C4orf50: variants seen among roughly 807,000 people sequenced by gnomAD.
C4orf50 encodes the protein chromosome 4 open reading frame 50.
Under a neutral mutation model 77.2 loss-of-function variants are expected in C4orf50, and 80 were observed. The observed-to-expected ratio is 1.04, with a 90% CI of 0.87 to 1.25. The LOEUF is 1.25. Among genes scored for constraint, C4orf50 ranks in the 50% most tolerant of loss-of-function variants. C4orf50 has a pLI of 0.00. For synonymous variants in C4orf50, 532 were observed against 465.3 expected (o/e 1.14, Z -1.84); for missense variants, 1,257 against 1,152.9 (o/e 1.09, Z -1.31).
rs1174794673 is a variant in C4orf50 at position 6,011,687 on chromosome 4, A to G, written c.426+143T>C. The G allele has an allele frequency of 7.6e-6, 3 of 396,816 alleles. No individual in the cohort carries two copies. The highest frequency in any genetic ancestry group is 1.3e-5 in the Non-Finnish European group (3 of 225,644). 24.6% of individuals were successfully genotyped at this position (396,816 alleles called of 1,614,324 possible). ...AGGCCCCGCAGTCACGCCATGCACC[A>G]TGAACGTAGGATCTCTCTAACCCTC... On this transcript the variant is annotated intron_variant, in intron 24 of 33. Coordinates refer to ENST00000531445, the Ensembl canonical transcript of C4orf50. The surrounding 1 kb of genome is among the most constrained non-coding windows in gnomAD (Gnocchi z 4.2).
chr4:5,960,312 A>C (rs1719203438), intron 33 of C4orf50, among the ~76,000 whole-genome samples: 1 of 152,090 alleles, frequency 6.6e-6, no homozygotes, highest in South Asian at 2.1e-4. Flanking sequence ...CTTCCCGCAA[A>C]TGACAGGCAG....
chr4:5,945,852 T>C (rs1051848352), intron 7 of C4orf50, among the ~76,000 whole-genome samples: 11 of 152,212 alleles, frequency 7.2e-5, no homozygotes, highest in Admixed American at 4.6e-4. Context: ...GCTGTTGTTC[T>C]GCCCTCTTGG....
chr4:5,912,589 A>G (rs373105594), intron 7 of C4orf50, among the ~76,000 whole-genome samples: 3 of 152,196 alleles, frequency 2.0e-5, no homozygotes, highest in African/African-American at 4.8e-5. Flanking sequence ...TTAATAGGGT[A>G]TGGTAATGTG....
At chr4:5,941,220 T>G (rs996524920) in intron 7 of C4orf50, among the ~76,000 whole-genome samples, 4 of 152,240 alleles carry the variant, frequency 2.6e-5, no homozygotes, top group Non-Finnish European at 1.5e-5. Context: ...ATGCTGAGTG[T>G]TTTATAAGTT....
intron 33 of C4orf50, among the ~76,000 whole-genome samples, chr4:5,961,794 T>C (rs959274178): frequency 6.6e-6 from 1 of 151,940 alleles, no homozygotes; most frequent in Non-Finnish European, 1.5e-5. Flanking sequence ...TCAGGACATG[T>C]CTGTATACTC....
intron 30 of C4orf50, among the ~76,000 whole-genome samples, 195 bp downstream of exon 8, chr4:5,975,704 G>C (rs768453093): frequency 3.5e-4 from 53 of 152,050 alleles, no homozygotes; most frequent in Non-Finnish European, 6.9e-4. Flanking sequence ...GCCCAGGCCG[G>C]TCTCAAACTC....
At chr4:5,959,163 T>C (rs571342750) in exon 34 of C4orf50, 2 of 586,234 alleles carry the variant, frequency 3.4e-6, no homozygotes, top group Non-Finnish European at 6.0e-6. Flanking sequence ...GCCTTGACAT[T>C]GCCAAAGCCA....
chr4:5,977,737 A>G (rs1013310590), intron 29 of C4orf50, among the ~76,000 whole-genome samples: 6 of 152,342 alleles, frequency 3.9e-5, no homozygotes, highest in African/African-American at 1.2e-4. Flanking sequence ...AGACTGTCTT[A>G]CATTCAAAAA....
Position 5,916,515 on chromosome 4 carries a change from C to G in C4orf50, c.*2475-18327G>C, listed in dbSNP as rs1388548387. Among the ~76,000 whole-genome samples the G allele has an allele frequency of 6.6e-6, 1 of 152,170 alleles. No homozygotes were observed. Among genetic ancestry groups the G allele is most frequent in the Non-Finnish European group, 1.5e-5 (1 of 68,040 alleles). The stretch of plus-strand genomic sequence containing the variant: ...ACACAGAGGAGAACCAGGTTGCCTT[C>G]AGGGCAGGGTGACTCACCCAAGGGC... On this transcript the variant is annotated intron_variant, in intron 7 of 7. Transcript: ENST00000324058. The surrounding 1 kb of genome is among the most constrained non-coding windows in gnomAD (Gnocchi z 4.4).
rs1174942110 is a variant in C4orf50, at chr4:6,000,521, C to A, written c.964-6045G>T. On this transcript the variant is annotated intron_variant, in intron 25 of 33. Transcript: ENST00000531445. This position sits in a 1 kb window ranked among gnomAD's most constrained non-coding sequence, Gnocchi z 6.0. The stretch of plus-strand genomic sequence containing the variant: ...CTTCTGAGAGATGGACAGAGACTGG[C>A]AGCCTTGTCACATGCTGCAGCCTGG... 6.6e-6 allele frequency among the ~76,000 whole-genome samples: 1 copy of A among 152,148 alleles called. No homozygotes were observed. The highest frequency in any genetic ancestry group is 2.4e-5 in the African/African-American group (1 of 41,428).
chr4:5,981,443 T>C (rs1416338355), intron 28 of C4orf50, among the ~76,000 whole-genome samples: 6 of 151,124 alleles, frequency 4.0e-5, no homozygotes, highest in African/African-American at 1.5e-4. Flanking sequence ...TCGCTTTTGT[T>C]GTCCAGGCTG....
At chr4:5,899,043 C>A (rs558409788) in intron 7 of C4orf50, 41 of 152,240 alleles carry the variant, frequency 2.7e-4, no homozygotes, top group Non-Finnish European at 5.0e-4. Context: ...CTACTGAGTT[C>A]TTGAAAGCAG....
intron 25 of C4orf50, among the ~76,000 whole-genome samples, chr4:6,004,039 ATGGTGATGG>A (rs1722028644): frequency 4.9e-5 from 1 of 20,344 alleles, no homozygotes; most frequent in African/African-American, 1.9e-4. Context: ...GATAGTGATG[ATGGTGATGG>A]TGATGATGGT....
chr4:5,930,794 G>A (rs942580578), intron 7 of C4orf50, among the ~76,000 whole-genome samples: 1 of 152,246 alleles, frequency 6.6e-6, no homozygotes, highest in African/African-American at 2.4e-5. Context: ...TGAGCACCAT[G>A]AAGGCAGGGA....
At chr4:5,922,878 A>G (rs1343181288) in intron 7 of C4orf50, among the ~76,000 whole-genome samples, 2 of 152,198 alleles carry the variant, frequency 1.3e-5, no homozygotes, top group African/African-American at 4.8e-5. Context: ...ACCCTGTCCC[A>G]TGGCTCTGAG....
chr4:5,989,530 C>T lies in C4orf50; in HGVS notation c.2516G>A (p.Trp839Ter). 7.8e-6 allele frequency: 12 copies of T among 1,536,158 alleles called. No homozygotes were observed. The highest frequency in any genetic ancestry group is 1.2e-5 in the South Asian group (1 of 84,060). Residue 839 changes from tryptophan (W) to a stop codon, truncating the protein, a stop_gained, in exon 28 of 34, where the codon TGG becomes TAG. Coordinates refer to ENST00000531445, the Ensembl canonical transcript of C4orf50. LOFTEE classifies it high-confidence loss of function. ...ACTGTGCCACTTCTGAGCAAAGCTCCAGTTCTCTCCCCTACATGCAGAGGC... is the reference window on the plus strand; with the variant it reads ...ACTGTGCCACTTCTGAGCAAAGCTCTAGTTCTCTCCCCTACATGCAGAGGC...
rs997393681 is a variant in C4orf50, at chr4:5,958,148, C to T, written c.*1227G>A. ...AGCCCCTTCCCAAAGAGAGAGGTGA[C>T]ATCTCTGGTGGGTGAGCCTGGGTCA... is the stretch of plus-strand genomic sequence containing the variant. On this transcript the variant is annotated 3_prime_UTR_variant, in exon 34 of 34. Transcript: ENST00000531445. The surrounding 1 kb of genome is among the most constrained non-coding windows in gnomAD (Gnocchi z 5.4). 6.6e-6 allele frequency: 1 copy of T among 152,312 alleles called. No individual in the cohort carries two copies. The allele number at this position is 152,312 out of a possible 1,614,324, so 9.4% of individuals were successfully genotyped here. A position where few individuals can be genotyped will look rare whatever the true frequency, so the allele number is the denominator to read the frequency against.
At chr4:6,010,067 TG>T (rs771938246) in intron 24 of C4orf50, among the ~76,000 whole-genome samples, 16 of 152,218 alleles carry the variant, frequency 1.1e-4, no homozygotes, top group Non-Finnish European at 2.1e-4. Context: ...CCTCATCTTT[TG>T]CCCCTCATCA....
At chr4:5,906,990 G>A (rs1394975856) in intron 7 of C4orf50, among the ~76,000 whole-genome samples, 2 of 152,194 alleles carry the variant, frequency 1.3e-5, no homozygotes, top group Admixed American at 1.3e-4. Context: ...CAGTGTTCAT[G>A]AGGCAGATCT....
Sources: allele counts gnomAD v4.1 joint callset (sites outside exome capture counted in the v4.1 genomes callset), GRCh38; gene constraint gnomAD v4.1.1; non-coding constraint Gnocchi (gnomAD v3.1); transcripts MANE v1.5; gene names NCBI Gene and HGNC (gene_info 2026-07-23, HGNC 2026-07-21).